Variants in MTUS1 observed in about 807,000 individuals in gnomAD.
MTUS1 encodes microtubule-associated tumor suppressor 1.
MTUS1 carries 109 observed loss-of-function variants against 120.8 expected under a neutral mutation model. The ratio of observed to expected loss-of-function variants is 0.90; its 90% confidence interval spans 0.77 to 1.06. The LOEUF (loss-of-function observed/expected upper bound fraction) is 1.06, where lower values mean the gene tolerates loss of function less well. Among genes scored for constraint, MTUS1 ranks in the 50% least tolerant of loss-of-function variants. The pLI, the probability that MTUS1 is intolerant of heterozygous loss-of-function variation, is 0.00. For synonymous variants in MTUS1, 737 were observed against 550.5 expected, an observed-to-expected ratio of 1.34 and a Z score of -4.74; for missense variants, 2,210 against 1,486.3, an observed-to-expected ratio of 1.49 and a Z score of -8.01.
intron 8 of MTUS1, among the ~76,000 whole-genome samples, chr8:17,659,231 G>A (rs1312174357): frequency 6.6e-6 from 1 of 152,154 alleles, no homozygotes; most frequent in Non-Finnish European, 1.5e-5. Flanking sequence ...GCTGGGGCTG[G>A]CAAGGCGCAT....
At chr8:17,681,242 T>C (rs1329456259) in intron 7 of MTUS1, among the ~76,000 whole-genome samples, 1 of 152,112 alleles carries the variant, frequency 6.6e-6, no homozygotes, top group East Asian at 1.9e-4. Flanking sequence ...CCTGCATTTT[T>C]CTTCCTTCAG....
At chr8:17,714,239 C>G (rs1472758133) in intron 5 of MTUS1, among the ~76,000 whole-genome samples, 1 of 152,106 alleles carries the variant, frequency 6.6e-6, no homozygotes, top group South Asian at 2.1e-4. Flanking sequence ...AAATTCATGC[C>G]TATTTTCTCT....
intron 6 of MTUS1, among the ~76,000 whole-genome samples, chr8:17,709,695 G>A (rs1375599015): frequency 2.0e-5 from 3 of 152,036 alleles, no homozygotes; most frequent in Non-Finnish European, 2.9e-5. Flanking sequence ...GTGTGCAACA[G>A]CATTATGTCT....
chr8:17,651,667 C>T (rs1427299758), intron 12 of MTUS1: 1 of 152,078 alleles, frequency 6.6e-6, no homozygotes, highest in Non-Finnish European at 1.5e-5. Flanking sequence ...TCCTCCTCTG[C>T]CAGCCCATCC....
chr8:17,661,664 C>G (rs1809725627), intron 8 of MTUS1, among the ~76,000 whole-genome samples: 1 of 138,684 alleles, frequency 7.2e-6, no homozygotes, highest in Non-Finnish European at 1.5e-5. Flanking sequence ...AAAGGCAGCT[C>G]TGACGTTTTG....
In MTUS1 at chr8:17,755,009, A is replaced by G. The variant is rs61733696; in HGVS notation, c.799T>C (p.Ser267Pro). The G allele has an allele frequency of 0.034, 54,576 of 1,614,058 alleles. 979 individuals are homozygous for G. Among genetic ancestry groups the G allele is most frequent in the South Asian group, 0.041 (3,701 of 91,084 alleles). The change falls in exon 2 of 15, where the codon TCT becomes CCT. Residue 267 changes from serine to proline, a missense_variant. Coordinates refer to ENST00000693296, the MANE Select transcript of MTUS1 (RefSeq NM_001363059.2). ...VSDIGNQCACSSGKVTSEYTD... is the reference protein window; with the variant it reads ...VSDIGNQCACPSGKVTSEYTD... ...TACTCACTGGTGACCTTTCCTGAAGAACATGCACACTGATTTCCAATATCT... is the reference window on the plus strand; with the variant it reads ...TACTCACTGGTGACCTTTCCTGAAGGACATGCACACTGATTTCCAATATCT...
chr8:17,741,145 C>G (rs1028017996), intron 3 of MTUS1, among the ~76,000 whole-genome samples: 1 of 152,116 alleles, frequency 6.6e-6, no homozygotes. Flanking sequence ...TCCCAAAGTG[C>G]TGGGATTACA....
intron 14 of MTUS1, among the ~76,000 whole-genome samples, chr8:17,646,679 C>T (rs11203882): frequency 0.93 from 141,099 of 152,246 alleles, 66,147 homozygotes; most frequent in East Asian, 1. Flanking sequence ...TTTATGACTA[C>T]CTTATGTTGC....
At chr8:17,741,879 G>T (rs1386838608) in intron 3 of MTUS1, among the ~76,000 whole-genome samples, 3 of 152,166 alleles carry the variant, frequency 2.0e-5, no homozygotes, top group African/African-American at 7.2e-5. Context: ...ACACTTTCAA[G>T]ATGTGAAGAT....
intron 3 of MTUS1, among the ~76,000 whole-genome samples, chr8:17,727,540 A>G (rs948314351): frequency 6.6e-6 from 1 of 152,212 alleles, no homozygotes; most frequent in Admixed American, 6.5e-5. Context: ...AACAGTCCCG[A>G]CGTTTAGCTT....
At chr8:17,671,043 G>C (rs538194696) in intron 8 of MTUS1, among the ~76,000 whole-genome samples, 3 of 152,262 alleles carry the variant, frequency 2.0e-5, no homozygotes, top group African/African-American at 7.2e-5. Context: ...GACAGAAATA[G>C]TCTATGCTTG....
At chr8:17,658,348 A>G (rs1487932354) in intron 8 of MTUS1, among the ~76,000 whole-genome samples, 1 of 152,210 alleles carries the variant, frequency 6.6e-6, no homozygotes, top group Non-Finnish European at 1.5e-5. Flanking sequence ...TGAAAATCAG[A>G]ACATCTTAGC....
chr8:17,765,539 G>A (rs546466678), intron 1 of MTUS1, among the ~76,000 whole-genome samples: 1 of 148,116 alleles, frequency 6.8e-6, no homozygotes, highest in African/African-American at 2.5e-5. Context: ...AGAATCACTT[G>A]AACCCAGAGG....
intron 6 of MTUS1, chr8:17,705,965 G>A (rs1395466698): frequency 6.6e-6 from 1 of 152,110 alleles, no homozygotes; most frequent in Non-Finnish European, 1.5e-5. Flanking sequence ...TTCCTTATCA[G>A]CAGTAAGCCA....
chr8:17,744,689 C>CTTTTTTTTTTTTTTTTTTTTTT (rs58283163), intron 2 of MTUS1, among the ~76,000 whole-genome samples: 98 of 99,008 alleles, frequency 9.9e-4, no homozygotes, highest in Middle Eastern at 7.7e-3. Context: ...ACCATGTTTT[C>CTTTTTTTTTTTTTTTTTTTTTT]TTTTTTTTTT....
intron 1 of MTUS1, among the ~76,000 whole-genome samples, chr8:17,766,798 T>C (rs927037533): frequency 2.0e-5 from 3 of 152,174 alleles, no homozygotes; most frequent in Non-Finnish European, 2.9e-5. Flanking sequence ...CTTGTTTTGG[T>C]AGGTAGATTG....
chr8:17,744,562 G>A (rs1397630887), intron 2 of MTUS1, among the ~76,000 whole-genome samples: 1 of 151,840 alleles, frequency 6.6e-6, no homozygotes, highest in African/African-American at 2.4e-5. Context: ...CTGGGATTAC[G>A]GGTGCACACC....
At chr8:17,664,135 G>A (rs1283073183) in intron 8 of MTUS1, 1 of 152,138 alleles carries the variant, frequency 6.6e-6, no homozygotes, top group African/African-American at 2.4e-5. Flanking sequence ...TGCTGGCCTC[G>A]TATTCAAATT....
At chr8:17,646,297 C>T (rs1351570341) in intron 14 of MTUS1, among the ~76,000 whole-genome samples, 158 bp from the exon 15 acceptor site, 1 of 152,020 alleles carries the variant, frequency 6.6e-6, no homozygotes. Context: ...CTAAGAAAAC[C>T]CAAACACAGG....
Sources: allele counts gnomAD v4.1 joint callset (sites outside exome capture counted in the v4.1 genomes callset), GRCh38; gene constraint gnomAD v4.1.1; transcripts MANE v1.5; gene names NCBI Gene and HGNC (gene_info 2026-07-23, HGNC 2026-07-21).